Variants in RELN observed in about 807,000 individuals in gnomAD.
The protein encoded by RELN is reelin.
RELN carries 108 observed loss-of-function variants against 427.6 expected under a neutral mutation model. The observed-to-expected ratio is 0.25, with a 90% CI of 0.22 to 0.30. The LOEUF (loss-of-function observed/expected upper bound fraction) is 0.30, where lower values mean the gene tolerates loss of function less well. Ranked by LOEUF, RELN falls within the 10% of genes least tolerant of loss-of-function variation. RELN has a pLI of 1.00. For missense variants in RELN, 3,715 were observed against 4,302.8 expected (o/e 0.86, Z 3.82); for synonymous variants, 1,524 against 1,513.4 (o/e 1.01, Z -0.16).
chr7:103,477,057 G>C (rs561697621), intron 64 of RELN, among the ~76,000 whole-genome samples: 15 of 152,288 alleles, frequency 9.8e-5, no homozygotes, highest in Admixed American at 2.0e-4. Flanking sequence ...TCCATTATGA[G>C]TAAGTAATTG....
intron 3 of RELN, among the ~76,000 whole-genome samples, chr7:103,788,941 A>G (rs1342358820): frequency 1.3e-5 from 2 of 152,180 alleles, no homozygotes; most frequent in Non-Finnish European, 2.9e-5. Flanking sequence ...AAATTGTACT[A>G]CAAGGCTACA....
At chr7:103,888,807 A>T (rs1333265988) in intron 2 of RELN, among the ~76,000 whole-genome samples, 1 of 152,144 alleles carries the variant, frequency 6.6e-6, no homozygotes, top group Admixed American at 6.5e-5. Flanking sequence ...ACTTGTCAGG[A>T]GGCTTAAAGC....
intron 52 of RELN, 30 bp from the exon 53 acceptor site, chr7:103,500,952 AAAAC>A: frequency 1.2e-6 from 2 of 1,609,950 alleles, no homozygotes; most frequent in Non-Finnish European, 1.7e-6. Context: ...AAAGGAGTGA[AAAAC>A]AAAAGTTAAC....
chr7:103,672,798 T>C (rs1210955118), intron 11 of RELN, among the ~76,000 whole-genome samples: 1 of 152,184 alleles, frequency 6.6e-6, no homozygotes, highest in African/African-American at 2.4e-5. Context: ...ATATTACTGA[T>C]AGTGATTATG....
chr7:103,833,793 C>T, intron 2 of RELN, 121 bp from the exon 3 acceptor site: 1 of 933,784 alleles, frequency 1.1e-6, no homozygotes, highest in Non-Finnish European at 1.7e-6. Flanking sequence ...TTTGGCTTCC[C>T]AATAAGTTAT....
intron 22 of RELN, among the ~76,000 whole-genome samples, chr7:103,610,440 G>A (rs1038973560): frequency 6.6e-6 from 1 of 152,178 alleles, no homozygotes; most frequent in African/African-American, 2.4e-5. Context: ...GCTGGGGCAA[G>A]TAGGAAAGTC....
At chr7:103,478,627 A>G (rs917587999) in intron 63 of RELN, 29 of 468,858 alleles carry the variant, frequency 6.2e-5, no homozygotes, top group Non-Finnish European at 3.8e-6. Context: ...GCTCATAACC[A>G]TATGTTAAGG....
chr7:103,879,392 A>C (rs1226065996), intron 2 of RELN, among the ~76,000 whole-genome samples: 1 of 152,220 alleles, frequency 6.6e-6, no homozygotes, highest in Non-Finnish European at 1.5e-5. Flanking sequence ...TCAAGGGTAG[A>C]AAGAACATCT....
intron 1 of RELN, among the ~76,000 whole-genome samples, chr7:103,960,202 G>A (rs530639716): frequency 6.6e-6 from 1 of 152,188 alleles, no homozygotes; most frequent in South Asian, 2.1e-4. Flanking sequence ...TACATTATTG[G>A]CTCTGTCCTT....
chr7:103,543,121 G>C (rs1584278999), intron 42 of RELN, among the ~76,000 whole-genome samples: 1 of 152,070 alleles, frequency 6.6e-6, no homozygotes, highest in African/African-American at 2.4e-5. Flanking sequence ...GAGTATCTAT[G>C]GTCCAGCTAG....
At chr7:103,720,975 T>G (rs1790062011) in intron 8 of RELN, among the ~76,000 whole-genome samples, 1 of 152,198 alleles carries the variant, frequency 6.6e-6, no homozygotes, top group Non-Finnish European at 1.5e-5. Flanking sequence ...TCTTTGCCAT[T>G]CTAACTCTTC....
intron 19 of RELN, among the ~76,000 whole-genome samples, chr7:103,634,590 G>T (rs1392111767): frequency 6.6e-6 from 1 of 151,988 alleles, no homozygotes; most frequent in African/African-American, 2.4e-5. Flanking sequence ...AAATAGAAAT[G>T]GCCTGAAGAA....
In RELN at chr7:103,700,119, A is replaced by C. The variant is rs541180621; in HGVS notation, c.902+791T>G. On this transcript the variant is annotated intron_variant, in intron 9 of 64. Coordinates refer to ENST00000428762, the MANE Select transcript of RELN (RefSeq NM_005045.4). ...AGAGCTGTCACGAAACTGATAAGAA[A>C]ATATTCTACTTAAGTTATGCTAATT... is the stretch of plus-strand genomic sequence containing the variant. Among the ~76,000 whole-genome samples the C allele has an allele frequency of 2.0e-5, 3 of 152,232 alleles. No homozygotes were observed. In the South Asian group the frequency reaches 6.2e-4, roughly 32 times the overall value.
intron 20 of RELN, among the ~76,000 whole-genome samples, chr7:103,622,242 G>T (rs1405378074): frequency 2.0e-5 from 3 of 152,152 alleles, no homozygotes; most frequent in African/African-American, 4.8e-5. Context: ...TAACCCCGTG[G>T]ACATCAACAT....
At chr7:103,769,514 T>C (rs1252080955) in intron 4 of RELN, among the ~76,000 whole-genome samples, 1 of 152,192 alleles carries the variant, frequency 6.6e-6, no homozygotes, top group Non-Finnish European at 1.5e-5. Flanking sequence ...TTCTGTTCCT[T>C]ATCAATTACC....
chr7:103,763,304 G>A (rs191215734), intron 4 of RELN, among the ~76,000 whole-genome samples: 5 of 152,254 alleles, frequency 3.3e-5, no homozygotes, highest in Admixed American at 2.6e-4. Context: ...TTTTGGAAAA[G>A]TGTCCTTGCT....
At chr7:103,518,859 G>A (rs1463067462) in intron 49 of RELN, among the ~76,000 whole-genome samples, 5 of 151,792 alleles carry the variant, frequency 3.3e-5, no homozygotes, top group South Asian at 2.1e-4. Context: ...TGACCCATAC[G>A]TTGTGTTTAT....
At chr7:103,791,294 A>G (rs1323028661) in intron 3 of RELN, among the ~76,000 whole-genome samples, 2 of 152,192 alleles carry the variant, frequency 1.3e-5, no homozygotes, top group Non-Finnish European at 2.9e-5. Context: ...AAGAGTCAAA[A>G]TAATCATGAT....
At position 103,640,479 on chromosome 7, in the gene RELN, C is replaced by G. The variant is rs562750387; in HGVS notation, c.2069+64G>C. On this transcript the variant is annotated intron_variant, in intron 17 of 64. Transcript: ENST00000428762. This position sits in a 1 kb window ranked among gnomAD's most constrained non-coding sequence, Gnocchi z 4.1. ...CTAAAAAAGGTTATTAAATGACTTGCGACTTCAACACATACATTACACATC... is the reference window on the plus strand; with the variant it reads ...CTAAAAAAGGTTATTAAATGACTTGGGACTTCAACACATACATTACACATC... 2 of 1,523,754 alleles carry G rather than the reference C, an allele frequency of 1.3e-6. No homozygotes were observed. The highest frequency in any genetic ancestry group is 1.8e-6 in the Non-Finnish European group (2 of 1,099,096). 94.4% of individuals were successfully genotyped at this position (1,523,754 alleles called of 1,614,324 possible). A position where few individuals can be genotyped will look rare whatever the true frequency, so the allele number is the denominator to read the frequency against.
Sources: allele counts gnomAD v4.1 joint callset (sites outside exome capture counted in the v4.1 genomes callset), GRCh38; gene constraint gnomAD v4.1.1; non-coding constraint Gnocchi (gnomAD v3.1); transcripts MANE v1.5; gene names NCBI Gene and HGNC (gene_info 2026-07-23, HGNC 2026-07-21).